AK9: variants seen among roughly 807,000 people sequenced by gnomAD.
The protein encoded by AK9 is adenylate kinase domain containing 1.
Under a neutral mutation model 239.6 loss-of-function variants are expected in AK9, and 191 were observed. The ratio of observed to expected loss-of-function variants is 0.80; its 90% CI spans 0.71 to 0.90. AK9 has a LOEUF of 0.90. AK9 is among the 40% of genes least tolerant of loss of function. The pLI is 0.00. For synonymous variants in AK9, 689 were observed against 721.0 expected, an observed-to-expected ratio of 0.96 and a Z score of 0.71; for missense variants, 1,995 against 2,214.7, an observed-to-expected ratio of 0.90 and a Z score of 1.99.
intron 2 of AK9, 133 bp downstream of exon 2, chr6:109,675,496 A>C (rs746879101): frequency 1.8e-6 from 1 of 562,394 alleles, no homozygotes; most frequent in Admixed American, 3.9e-5. Flanking sequence ...GCAGATTTTA[A>C]GTCATATAAT....
At chr6:109,569,185 T>G (rs1453801758) in intron 21 of AK9, among the ~76,000 whole-genome samples, 1 of 152,130 alleles carries the variant, frequency 6.6e-6, no homozygotes, top group African/African-American at 2.4e-5. Context: ...GGGGAAAGGA[T>G]TCCCTATTTA....
intron 35 of AK9, among the ~76,000 whole-genome samples, chr6:109,504,089 C>A (rs1381005570): frequency 6.6e-6 from 1 of 152,186 alleles, no homozygotes; most frequent in Non-Finnish European, 1.5e-5. Flanking sequence ...TGCAGTGGCT[C>A]ACGCCTATAA....
intron 17 of AK9, among the ~76,000 whole-genome samples, chr6:109,596,160 G>A (rs187329954): frequency 2.8e-4 from 42 of 152,270 alleles, no homozygotes; most frequent in African/African-American, 6.5e-4. Context: ...GATCTTTATC[G>A]TGGGAAGCTC....
chr6:109,664,242 T>C (rs1192001915), intron 5 of AK9, among the ~76,000 whole-genome samples: 2 of 152,130 alleles, frequency 1.3e-5, no homozygotes, highest in Non-Finnish European at 2.9e-5. Flanking sequence ...ACAATTCTTA[T>C]TAGTGTAAGA....
intron 21 of AK9, among the ~76,000 whole-genome samples, chr6:109,572,286 C>T (rs1787523343): frequency 6.6e-6 from 1 of 152,108 alleles, no homozygotes; most frequent in Non-Finnish European, 1.5e-5. Flanking sequence ...ACCATCTAGG[C>T]AAGGAAGCCA....
chr6:109,623,143 A>AT (rs1442989231), intron 12 of AK9, among the ~76,000 whole-genome samples: 1 of 152,034 alleles, frequency 6.6e-6, no homozygotes, highest in Non-Finnish European at 1.5e-5. Context: ...CTTTATCTGC[A>AT]TATTGATTTG....
chr6:109,533,659 T>A (rs1174009121), intron 27 of AK9, among the ~76,000 whole-genome samples, 189 bp from the exon 28 acceptor site: 1 of 152,174 alleles, frequency 6.6e-6, no homozygotes, highest in Non-Finnish European at 1.5e-5. Context: ...TATTGATAAA[T>A]ATCAACTATC....
intron 27 of AK9, among the ~76,000 whole-genome samples, chr6:109,536,377 T>C (rs1271469713): frequency 6.6e-6 from 1 of 152,184 alleles, no homozygotes; most frequent in East Asian, 1.9e-4. Context: ...CAATTGTGAA[T>C]GGGAGTTCAC....
intron 17 of AK9, among the ~76,000 whole-genome samples, chr6:109,589,228 T>C (rs941808640): frequency 1.8e-4 from 27 of 152,224 alleles, no homozygotes; most frequent in African/African-American, 6.5e-4. Flanking sequence ...GTTTTCCATT[T>C]ATTTGTGTTA....
rs531640771 is a variant in AK9 at position 109,552,454 on chromosome 6, C to T, written c.2752-2152G>A. 2.0e-5 allele frequency among the ~76,000 whole-genome samples: 3 copies of T among 152,290 alleles called. No homozygotes were observed. The South Asian group carries it at 6.2e-4, about 32-fold the overall frequency. On this transcript the variant is annotated intron_variant, in intron 24 of 40. Coordinates refer to ENST00000424296, the MANE Select transcript of AK9 (RefSeq NM_001145128.3). Reference sequence around the variant, plus strand: ...TTTTGATTTGCATTTCTCTGATGATCAGTGATGTTGAGCTTTTTTCATGTT... The same window carrying T: ...TTTTGATTTGCATTTCTCTGATGATTAGTGATGTTGAGCTTTTTTCATGTT...
intron 17 of AK9, among the ~76,000 whole-genome samples, chr6:109,590,300 A>T (rs7749386): frequency 0.58 from 88,508 of 151,852 alleles, 27,460 homozygotes; most frequent in East Asian, 0.84. Context: ...TCTTGGGAGG[A>T]TGTATATTTC....
chr6:109,641,703 C>G, intron 9 of AK9, 87 bp from the exon 10 acceptor site: 1 of 1,062,442 alleles, frequency 9.4e-7, no homozygotes, highest in Non-Finnish European at 1.4e-6. Flanking sequence ...GAGCCAAGAC[C>G]ATGCTCCCCC....
At chr6:109,506,850 G>A (rs764902908) in intron 33 of AK9, 50 bp from the exon 34 acceptor site, 50 of 1,445,702 alleles carry the variant, frequency 3.5e-5, no homozygotes, top group East Asian at 5.0e-5. Context: ...TTTTTCTCTC[G>A]TACTTCCTTT....
chr6:109,559,165 C>CTTT (rs1785394915), intron 24 of AK9, among the ~76,000 whole-genome samples: 1 of 76,732 alleles, frequency 1.3e-5, no homozygotes, highest in Admixed American at 1.7e-4. Context: ...GTATATCTAT[C>CTTT]TGTTTTTTTT....
At chr6:109,557,330 G>A (rs945847381) in intron 24 of AK9, among the ~76,000 whole-genome samples, 10 of 152,072 alleles carry the variant, frequency 6.6e-5, no homozygotes, top group Non-Finnish European at 1.3e-4. Flanking sequence ...AGATGTTACC[G>A]AGAGGGCTAG....
rs573150737 is a variant in AK9 at position 109,517,089 on chromosome 6, G to A, written c.3634-447C>T. Among the ~76,000 whole-genome samples, 5 of 152,210 alleles carry A rather than the reference G, an allele frequency of 3.3e-5. No homozygotes were observed. The South Asian group carries it at 1.0e-3, about 32-fold the overall frequency. ...GTTGTAGTAGCAGTGTGCTCAATGTGGAGCGGGTTCACTGTCTCAGTTTTC... is the reference window on the plus strand; with the variant it reads ...GTTGTAGTAGCAGTGTGCTCAATGTAGAGCGGGTTCACTGTCTCAGTTTTC... On this transcript the variant is annotated intron_variant, in intron 29 of 40. Transcript: ENST00000424296.
chr6:109,533,287 CCTTT>C lies in AK9; in HGVS notation c.3530_3533del (p.Glu1177GlyfsTer4). The C allele has an allele frequency of 2.5e-6, 4 of 1,610,704 alleles. No individual in the cohort carries two copies. Among genetic ancestry groups the C allele is most frequent in the Non-Finnish European group, 3.4e-6 (4 of 1,178,912 alleles). ...CCTTCATGTCTTTGATCAGTTTCTT[CCTTT>C]CTAATTTCTTCTTTTGTTTTAGTTT... On this transcript the variant is annotated frameshift_variant, in exon 28 of 41. Transcript: ENST00000424296. LOFTEE classifies it high-confidence loss of function.
At chr6:109,600,682 A>G (rs1791815522) in intron 17 of AK9, among the ~76,000 whole-genome samples, 1 of 152,194 alleles carries the variant, frequency 6.6e-6, no homozygotes, top group Non-Finnish European at 1.5e-5. Context: ...CCTCTGGTAG[A>G]ATTCGGCTGT....
intron 19 of AK9, among the ~76,000 whole-genome samples, chr6:109,584,552 C>G (rs1388085136): frequency 6.6e-6 from 1 of 152,066 alleles, no homozygotes; most frequent in Non-Finnish European, 1.5e-5. Flanking sequence ...ATCTGAAGGA[C>G]TTATAGTTTA....
Sources: allele counts gnomAD v4.1 joint callset (sites outside exome capture counted in the v4.1 genomes callset), GRCh38; gene constraint gnomAD v4.1.1; transcripts MANE v1.5; gene names NCBI Gene and HGNC (gene_info 2026-07-23, HGNC 2026-07-21).